Variants in NUP153 observed in about 807,000 individuals in gnomAD.
The protein encoded by NUP153 is nucleoporin 153.
A neutral mutation model predicts 134.6 loss-of-function variants in NUP153; 27 were observed. The observed-to-expected ratio is 0.20, with a 90% CI of 0.15 to 0.28. NUP153 has a LOEUF of 0.28. Among genes scored for constraint, NUP153 ranks in the 10% least tolerant of loss-of-function variants. NUP153 has a pLI of 1.00. For synonymous variants in NUP153, 640 were observed against 623.5 expected (o/e 1.03, Z -0.40); for missense variants, 1,821 against 1,731.3 (o/e 1.05, Z -0.92).
At chr6:17,635,258 C>T (rs937186672) in intron 16 of NUP153, among the ~76,000 whole-genome samples, 3 of 151,816 alleles carry the variant, frequency 2.0e-5, no homozygotes, top group Admixed American at 6.6e-5. Context: ...TACAGGCACC[C>T]GCCACCACAC....
intron 20 of NUP153, among the ~76,000 whole-genome samples, chr6:17,623,584 T>C (rs1004591027): frequency 1.3e-5 from 2 of 152,194 alleles, no homozygotes; most frequent in South Asian, 2.1e-4. Context: ...AAGGTACATA[T>C]ACAAGAATGT....
In NUP153 at chr6:17,671,981, T is replaced by C. The variant is rs903877690; in HGVS notation, c.853-2435A>G. Reference sequence around the variant, plus strand: ...CAAGATCATGCCACAGCACTTCAGCTTGGGCAACAGAGCAAGATCCCATCT... The same window carrying C: ...CAAGATCATGCCACAGCACTTCAGCCTGGGCAACAGAGCAAGATCCCATCT... On this transcript the variant is annotated intron_variant, in intron 5 of 21. Coordinates refer to ENST00000262077, the MANE Select transcript of NUP153 (RefSeq NM_005124.4). 4.6e-5 allele frequency among the ~76,000 whole-genome samples: 7 copies of C among 152,006 alleles called. No individual in the cohort carries two copies. The South Asian group carries it at 1.2e-3, about 27-fold the overall frequency.
chr6:17,672,733 C>T (rs914000517), intron 5 of NUP153, among the ~76,000 whole-genome samples: 1 of 151,918 alleles, frequency 6.6e-6, no homozygotes, highest in African/African-American at 2.4e-5. Context: ...AATCTCAGAA[C>T]TTTGGGAGGC....
intron 1 of NUP153, among the ~76,000 whole-genome samples, chr6:17,692,315 T>C (rs573172942): frequency 4.3e-4 from 66 of 152,222 alleles, no homozygotes; most frequent in Non-Finnish European, 8.2e-4. Flanking sequence ...GAGACATTAC[T>C]AGTGGCACAG....
At chr6:17,640,198 TAAAC>T in intron 14 of NUP153, 134 bp from the exon 15 acceptor site, 1 of 626,128 alleles carries the variant, frequency 1.6e-6, no homozygotes, top group South Asian at 3.3e-5. Context: ...TTTAATTCAA[TAAAC>T]AAATGACTTT....
At chr6:17,672,868 C>T (rs772762251) in intron 5 of NUP153, among the ~76,000 whole-genome samples, 2 of 152,054 alleles carry the variant, frequency 1.3e-5, no homozygotes, top group South Asian at 2.1e-4. Flanking sequence ...TTGACCAATA[C>T]CTCATACCAC....
chr6:17,701,694 C>T (rs1227925255), intron 1 of NUP153, among the ~76,000 whole-genome samples: 6 of 151,052 alleles, frequency 4.0e-5, no homozygotes, highest in Non-Finnish European at 8.8e-5. Flanking sequence ...ATTAGCTAGG[C>T]GTGGTGGCCT....
intron 8 of NUP153, among the ~76,000 whole-genome samples, chr6:17,667,256 A>G (rs1015372322): frequency 6.6e-6 from 1 of 152,202 alleles, no homozygotes; most frequent in Non-Finnish European, 1.5e-5. Context: ...CCAAAAATTG[A>G]GAAGCAACAC....
intron 14 of NUP153, among the ~76,000 whole-genome samples, chr6:17,643,048 G>A (rs1765936322): frequency 6.6e-6 from 1 of 152,100 alleles, no homozygotes; most frequent in African/African-American, 2.4e-5. Context: ...AATGGACAGG[G>A]GTTTCCTGGT....
At position 17,701,725 on chromosome 6, in the gene NUP153, T is replaced by C. The variant is rs1365296215; in HGVS notation, c.111+4552A>G. The stretch of plus-strand genomic sequence containing the variant: ...GGCCTGCGCCTGTAATCCCAGCTAC[T>C]CAAGAGCTGAGGCAGGAGAGCTGCT... On this transcript the variant is annotated intron_variant, in intron 1 of 21. Transcript: ENST00000262077. Among the ~76,000 whole-genome samples, 4 of 148,932 alleles carry C rather than the reference T, an allele frequency of 2.7e-5. No individual in the cohort carries two copies. In the East Asian group the frequency reaches 7.9e-4, roughly 30 times the overall value.
At chr6:17,701,955 A>G (rs964182017) in intron 1 of NUP153, among the ~76,000 whole-genome samples, 5 of 148,654 alleles carry the variant, frequency 3.4e-5, no homozygotes, top group Admixed American at 3.3e-4. Flanking sequence ...CATACTACCC[A>G]CACCACCCCA....
At chr6:17,620,818 T>C (rs1483950955) in intron 20 of NUP153, among the ~76,000 whole-genome samples, 3 of 152,102 alleles carry the variant, frequency 2.0e-5, no homozygotes, top group Non-Finnish European at 2.9e-5. Flanking sequence ...AAAGATTTTA[T>C]GGCTAAGACA....
chr6:17,635,976 C>T (rs1378725347), intron 16 of NUP153, among the ~76,000 whole-genome samples: 2 of 152,176 alleles, frequency 1.3e-5, no homozygotes, highest in East Asian at 1.9e-4. Flanking sequence ...TTCCTGCATA[C>T]ATCAAGGGCT....
chr6:17,645,467 C>CT (rs71002239), intron 14 of NUP153, among the ~76,000 whole-genome samples: 2,948 of 135,332 alleles, frequency 0.022, 108 homozygotes, highest in African/African-American at 0.071. Context: ...ATTTCTTTTT[C>CT]TTTTTTTTTT....
Position 17,651,798 on chromosome 6 carries a change from G to T in NUP153, c.1396-2498C>A, listed in dbSNP as rs529815892. The T allele has an allele frequency of 5.3e-6, 3 of 562,560 alleles. 1 individual carries two copies. The South Asian group carries it at 6.8e-5, about 13-fold the overall frequency. The allele number at this position is 562,560 out of a possible 1,614,324, so 34.8% of individuals were successfully genotyped here. ...CTCTCATGAGGGCCTCAAAATCCAT[G>T]AAACAAAAATTGAGGTTAGGCATGG... On this transcript the variant is annotated intron_variant, in intron 11 of 21. Transcript: ENST00000262077.
chr6:17,689,189 C>T (rs1769127451), intron 1 of NUP153, among the ~76,000 whole-genome samples: 1 of 152,092 alleles, frequency 6.6e-6, no homozygotes, highest in South Asian at 2.1e-4. Flanking sequence ...AGTTCAAGAC[C>T]AGCCTGACCA....
At chr6:17,665,490 C>T in intron 8 of NUP153, 105 bp from the exon 9 acceptor site, 2 of 848,798 alleles carry the variant, frequency 2.4e-6, no homozygotes, top group Non-Finnish European at 3.6e-6. Context: ...TGAGTATTTC[C>T]CAGAGAAATA....
At chr6:17,702,576 T>C (rs1770187694) in intron 1 of NUP153, among the ~76,000 whole-genome samples, 2 of 151,836 alleles carry the variant, frequency 1.3e-5, no homozygotes, top group South Asian at 2.1e-4. Flanking sequence ...CTCGGGAGGC[T>C]GAGGCAGGAG....
At chr6:17,642,561 G>A (rs999801954) in intron 14 of NUP153, among the ~76,000 whole-genome samples, 1 of 152,184 alleles carries the variant, frequency 6.6e-6, no homozygotes, top group African/African-American at 2.4e-5. Flanking sequence ...AATACTAAGT[G>A]TTGGTGAAGT....
Sources: allele counts gnomAD v4.1 joint callset (sites outside exome capture counted in the v4.1 genomes callset), GRCh38; gene constraint gnomAD v4.1.1; transcripts MANE v1.5; gene names NCBI Gene and HGNC (gene_info 2026-07-23, HGNC 2026-07-21).